Variants in SAMD5 observed in about 807,000 individuals in gnomAD.
SAMD5 encodes the protein sterile alpha motif domain containing 5.
A neutral mutation model predicts 11.3 loss-of-function variants in SAMD5; 13 were observed. The ratio of observed to expected loss-of-function variants is 1.15; its 90% CI spans 0.75 to 1.83. The LOEUF is 1.83. Among genes scored for constraint, SAMD5 ranks in the 40% most tolerant of loss-of-function variants. SAMD5 has a pLI of 0.00. For synonymous variants in SAMD5, 129 were observed against 111.3 expected, an observed-to-expected ratio of 1.16 and a Z score of -1.00; for missense variants, 255 against 239.1, an observed-to-expected ratio of 1.07 and a Z score of -0.44.
At chr6:147,912,136 T>A in the SAMD5 span, among the ~76,000 whole-genome samples, 369 of 152,296 alleles carry the variant, frequency 2.4e-3, 8 homozygotes, top group South Asian at 0.014. Context: ...ATTTCTTTTT[T>A]TTTTTATGCT....
chr6:147,602,558 A>G (rs564178032), intron 1 of SAMD5, among the ~76,000 whole-genome samples: 47 of 152,330 alleles, frequency 3.1e-4, no homozygotes, highest in Non-Finnish European at 6.0e-4. Flanking sequence ...AGCCTGGCCA[A>G]CATGGCAAAA....
chr6:147,797,588 G>T, the SAMD5 span, among the ~76,000 whole-genome samples: 1 of 115,404 alleles, frequency 8.7e-6, no homozygotes, highest in African/African-American at 4.2e-5. Context: ...CTCATAAAAT[G>T]AGTTAGGGAG....
chr6:147,576,426 A>G (rs1346486255), intron 1 of SAMD5, among the ~76,000 whole-genome samples: 1 of 152,210 alleles, frequency 6.6e-6, no homozygotes, highest in Non-Finnish European at 1.5e-5. Context: ...GGCGTGAGCC[A>G]CTGTGCCTGA....
At chr6:147,624,629 GTTGA>G (rs1176075931) in intron 1 of SAMD5, among the ~76,000 whole-genome samples, 1 of 152,018 alleles carries the variant, frequency 6.6e-6, no homozygotes, top group African/African-American at 2.4e-5. Context: ...TTATCCACTC[GTTGA>G]TTGATGGGCA....
chr6:147,661,767 T>C lies in SAMD5; in HGVS notation c.163-75550T>C, dbSNP rs563453858. Among the ~76,000 whole-genome samples the C allele has an allele frequency of 2.3e-3, 352 of 152,230 alleles. 2 individuals are homozygous for C. Among genetic ancestry groups the C allele is most frequent in the Non-Finnish European group, 3.4e-3 (229 of 68,012 alleles). Reference sequence around the variant, plus strand: ...GCCTCAGCCTCCTGAGTAGCTGAGATTACAGGCGCCTGCCACCATGCCCGG... The same window carrying C: ...GCCTCAGCCTCCTGAGTAGCTGAGACTACAGGCGCCTGCCACCATGCCCGG... On this transcript the variant is annotated intron_variant, in intron 1 of 1. Coordinates refer to the SAMD5 transcript ENST00000566741.
intron 1 of SAMD5, among the ~76,000 whole-genome samples, chr6:147,608,426 G>A (rs766670953): frequency 6.6e-6 from 1 of 152,054 alleles, no homozygotes; most frequent in Non-Finnish European, 1.5e-5. Flanking sequence ...AAGAAAATGT[G>A]GTACATATAC....
the SAMD5 span, among the ~76,000 whole-genome samples, chr6:147,853,426 T>G: frequency 6.6e-6 from 1 of 152,054 alleles, no homozygotes; most frequent in African/African-American, 2.4e-5. Flanking sequence ...AGGAGCTAAC[T>G]TAGGGTTAAT....
At chr6:147,892,132 C>T in the SAMD5 span, among the ~76,000 whole-genome samples, 2 of 152,170 alleles carry the variant, frequency 1.3e-5, no homozygotes, top group Non-Finnish European at 2.9e-5. Flanking sequence ...TCCCTCTCTT[C>T]CTGTCTCCCT....
At chr6:147,921,274 A>AACACACACACACACACACAC in the SAMD5 span, among the ~76,000 whole-genome samples, 195 of 141,066 alleles carry the variant, frequency 1.4e-3, 2 homozygotes, top group African/African-American at 5.0e-3. Context: ...GAGAGTATAA[A>AACACACACACACACACACAC]ACACACACAC....
At chr6:147,881,670 C>T in the SAMD5 span, among the ~76,000 whole-genome samples, 3 of 152,164 alleles carry the variant, frequency 2.0e-5, no homozygotes, top group Non-Finnish European at 4.4e-5. Flanking sequence ...CATCTCAATT[C>T]GGCAGTGTCT....
At chr6:147,905,472 C>T in the SAMD5 span, among the ~76,000 whole-genome samples, 2 of 152,200 alleles carry the variant, frequency 1.3e-5, no homozygotes, top group African/African-American at 4.8e-5. Context: ...TGAGCTGCTG[C>T]ACCCGGCCTA....
At chr6:147,836,469 T>A in the SAMD5 span, among the ~76,000 whole-genome samples, 1 of 152,218 alleles carries the variant, frequency 6.6e-6, no homozygotes, top group Non-Finnish European at 1.5e-5. Flanking sequence ...CATCGCAGCT[T>A]ATCCTGGCCT....
chr6:147,803,600 T>C, the SAMD5 span, among the ~76,000 whole-genome samples: 7 of 152,220 alleles, frequency 4.6e-5, no homozygotes, highest in African/African-American at 1.4e-4. Flanking sequence ...ACAGCATGTT[T>C]TATGTTTATA....
At chr6:147,544,868 G>A (rs1468789315) in intron 1 of SAMD5, among the ~76,000 whole-genome samples, 3 of 152,120 alleles carry the variant, frequency 2.0e-5, no homozygotes. Context: ...TAGACAAAAT[G>A]AACACTTTCA....
chr6:147,567,465 G>A lies in SAMD5; in HGVS notation c.*3009G>A. ...GAATCTGTTAAGGATGTAAGCTATA[G>A]TGTAGCTTGGGGAATCATCTTGAAC... On this transcript the variant is annotated 3_prime_UTR_variant, in exon 2 of 2. Transcript: ENST00000367474. The A allele has an allele frequency of 1.0e-6, 1 of 979,110 alleles. No homozygotes were observed. The highest frequency in any genetic ancestry group is 1.2e-6 in the Non-Finnish European group (1 of 824,132). 60.7% of individuals were successfully genotyped at this position (979,110 alleles called of 1,614,324 possible). A position where few individuals can be genotyped will look rare whatever the true frequency, so the allele number is the denominator to read the frequency against.
At chr6:147,933,875 A>G in the SAMD5 span, among the ~76,000 whole-genome samples, 1 of 152,326 alleles carries the variant, frequency 6.6e-6, no homozygotes, top group South Asian at 2.1e-4. Flanking sequence ...ATGTGCCAAA[A>G]TAGGAAATAT....
chr6:147,666,024 C>T (rs1182072282), intron 1 of SAMD5, among the ~76,000 whole-genome samples: 1 of 152,180 alleles, frequency 6.6e-6, no homozygotes, highest in African/African-American at 2.4e-5. Flanking sequence ...CTGCAACCTC[C>T]GCCTCCAGGG....
chr6:147,720,417 A>C (rs867006503), intron 1 of SAMD5, among the ~76,000 whole-genome samples: 15 of 151,684 alleles, frequency 9.9e-5, no homozygotes, highest in Middle Eastern at 6.8e-3. Flanking sequence ...GAGCCGAGAT[A>C]GCGCCACTGC....
intron 1 of SAMD5, among the ~76,000 whole-genome samples, chr6:147,658,524 T>C (rs1162117027): frequency 1.3e-5 from 2 of 152,136 alleles, no homozygotes; most frequent in Non-Finnish European, 2.9e-5. Context: ...CAAACCTTAG[T>C]GAGAAAGAGA....
Sources: allele counts gnomAD v4.1 joint callset (sites outside exome capture counted in the v4.1 genomes callset), GRCh38; gene constraint gnomAD v4.1.1; transcripts MANE v1.5; gene names NCBI Gene and HGNC (gene_info 2026-07-23, HGNC 2026-07-21).